The following SYT12 variants were observed in gnomAD, a reference collection of about 807,000 sequenced individuals.
SYT12 encodes synaptotagmin-12.
A neutral mutation model predicts 39.5 loss-of-function variants in SYT12; 27 were observed. The ratio of observed to expected loss-of-function variants is 0.68; its 90% CI spans 0.50 to 0.94. The LOEUF (loss-of-function observed/expected upper bound fraction) is 0.94, where lower values mean the gene tolerates loss of function less well. Among genes scored for constraint, SYT12 ranks in the 40% least tolerant of loss-of-function variants. SYT12 has a pLI of 0.00. For synonymous variants in SYT12, 233 were observed against 239.7 expected, an observed-to-expected ratio of 0.97 and a Z score of 0.26; for missense variants, 536 against 572.6, an observed-to-expected ratio of 0.94 and a Z score of 0.65.
intron 1 of SYT12, among the ~76,000 whole-genome samples, 172 bp downstream of exon 1, chr11:67,023,632 G>A (rs1950141400): frequency 6.6e-6 from 1 of 152,098 alleles, no homozygotes; most frequent in South Asian, 2.1e-4. Context: ...CACCGCGCAC[G>A]CTGGGCGCCC....
upstream of SYT12, among the ~76,000 whole-genome samples, chr11:67,021,246 TCTCTCATTTCAA>T (rs1210926897): frequency 6.6e-6 from 1 of 152,092 alleles, no homozygotes; most frequent in Non-Finnish European, 1.5e-5. Flanking sequence ...ATTGACAAGA[TCTCTCATTTCAA>T]GCTCACTCCC....
In SYT12 at chr11:67,049,129, A is replaced by G. The variant is rs1565346491; in HGVS notation, c.*372A>G. The G allele has an allele frequency of 1.1e-5, 2 of 188,500 alleles. No individual in the cohort carries two copies. The highest frequency in any genetic ancestry group is 2.2e-5 in the Non-Finnish European group (2 of 89,698). 11.7% of individuals were successfully genotyped at this position (188,500 alleles called of 1,614,324 possible). ...ACGAAGAAGACCCGGCCCTTAGGGC[A>G]TCAGGAAGACTAGCTCCCCTGCCCC... On this transcript the variant is annotated 3_prime_UTR_variant, in exon 8 of 8. Coordinates refer to ENST00000527043, the MANE Select transcript of SYT12 (RefSeq NM_177963.4).
At chr11:67,013,469 C>T (rs1464060923) in intron 3 of SYT12, among the ~76,000 whole-genome samples, 2 of 152,202 alleles carry the variant, frequency 1.3e-5, no homozygotes, top group Non-Finnish European at 2.9e-5. Flanking sequence ...CCTTTCTCGT[C>T]TTCAGCCAGG....
intron 6 of SYT12, 142 bp downstream of exon 6, chr11:67,044,855 T>A: frequency 1.6e-6 from 2 of 1,232,888 alleles, no homozygotes; most frequent in Non-Finnish European, 1.1e-6. Flanking sequence ...AGCCCAGAAG[T>A]CATGCAGATG....
chr11:67,011,233 C>G (rs1950011020), intron 3 of SYT12, among the ~76,000 whole-genome samples: 1 of 152,024 alleles, frequency 6.6e-6, no homozygotes, highest in Admixed American at 6.6e-5. Context: ...TGTATATTAA[C>G]TTTGACTTTC....
upstream of SYT12, among the ~76,000 whole-genome samples, chr11:67,018,936 C>T (rs893312502): frequency 2.0e-5 from 3 of 152,166 alleles, no homozygotes; most frequent in Admixed American, 6.5e-5. Context: ...GCCTGGAAAG[C>T]GGAGAACTGA....
In SYT12 at chr11:67,050,602, C is replaced by T. The variant is rs1854720756; in HGVS notation, c.*1845C>T. The T allele has an allele frequency of 6.6e-6, 1 of 152,584 alleles. No individual in the cohort carries two copies. The highest frequency in any genetic ancestry group is 1.5e-5 in the Non-Finnish European group (1 of 68,368). The allele number at this position is 152,584 out of a possible 1,614,324, so 9.5% of individuals were successfully genotyped here. ...CAGGGCCAGGAGACACATGGCTGGA[C>T]AAGGCTTTGCAGCCTGGGAGACCCC... On this transcript the variant is annotated 3_prime_UTR_variant, in exon 8 of 8. Coordinates refer to ENST00000527043, the MANE Select transcript of SYT12 (RefSeq NM_177963.4).
At chr11:67,017,305 T>A (rs1438040618) in intron 3 of SYT12, among the ~76,000 whole-genome samples, 1 of 151,924 alleles carries the variant, frequency 6.6e-6, no homozygotes, top group Non-Finnish European at 1.5e-5. Context: ...AAAGATCATT[T>A]GAGCCCGGGA....
rs369206460 is a variant in SYT12, at chr11:67,036,844, C to T, written c.228+2006C>T. 4.9e-4 allele frequency among the ~76,000 whole-genome samples: 74 copies of T among 152,278 alleles called. No individual in the cohort carries two copies. The East Asian group carries it at 8.9e-3, about 18-fold the overall frequency. ...ATCCCAGCACTTTGAGAGGCTAAGACTGGTGGATCACCTGAGGTCGTGAGT... is the reference window on the plus strand; with the variant it reads ...ATCCCAGCACTTTGAGAGGCTAAGATTGGTGGATCACCTGAGGTCGTGAGT... On this transcript the variant is annotated intron_variant, in intron 3 of 7. Coordinates refer to ENST00000527043, the MANE Select transcript of SYT12 (RefSeq NM_177963.4).
At chr11:67,013,121 G>C (rs1950025427) in intron 3 of SYT12, among the ~76,000 whole-genome samples, 1 of 152,222 alleles carries the variant, frequency 6.6e-6, no homozygotes, top group African/African-American at 2.4e-5. Context: ...TTGACACGCA[G>C]AGTGGGGAGG....
chr11:67,022,509 G>A (rs1950120658), upstream of SYT12, among the ~76,000 whole-genome samples: 1 of 152,242 alleles, frequency 6.6e-6, no homozygotes, highest in Non-Finnish European at 1.5e-5. Context: ...GTTCCCGGAA[G>A]ATGGAAGATC....
At chr11:67,019,189 A>C (rs1738751668), upstream of SYT12, among the ~76,000 whole-genome samples, 1 of 151,926 alleles carries the variant, frequency 6.6e-6, no homozygotes, top group African/African-American at 2.4e-5. Flanking sequence ...ATACCATCAG[A>C]TCGCTGGGCG....
At chr11:67,039,729 C>G in intron 3 of SYT12, 82 bp from the exon 4 acceptor site, 2 of 1,491,694 alleles carry the variant, frequency 1.3e-6, no homozygotes, top group East Asian at 2.3e-5. Context: ...AATGAACAGG[C>G]CTTACTCATC....
intron 3 of SYT12, among the ~76,000 whole-genome samples, chr11:67,014,043 A>G (rs745743435): frequency 2.2e-4 from 33 of 152,136 alleles, no homozygotes; most frequent in Non-Finnish European, 4.6e-4. Flanking sequence ...CTGTGCCTTC[A>G]TGGCTGAGAT....
In SYT12 at chr11:67,048,757, G is replaced by A. The variant is rs1409261859; in HGVS notation, c.1266G>A (p.Ter422=). 1 of 1,592,236 alleles carries A rather than the reference G, an allele frequency of 6.3e-7. No individual in the cohort carries two copies. The highest frequency in any genetic ancestry group is 8.6e-7 in the Non-Finnish European group (1 of 1,163,352). The change falls in exon 8 of 8, where the codon TAG becomes TAA. Residue 422 remains the stop codon, a stop_retained_variant. Transcript: ENST00000527043. Reference sequence around the variant, plus strand: ...TGTGGCACGCTGTCCGGCGAAACTAGCAACCAGGGCGGGCCAGTTGGGCAA... The same window carrying A: ...TGTGGCACGCTGTCCGGCGAAACTAACAACCAGGGCGGGCCAGTTGGGCAA... The part of the protein sequence containing the change: ...VSMWHAVRRN[*]
chr11:67,009,566 A>G (rs1440042268), intron 1 of SYT12, among the ~76,000 whole-genome samples: 1 of 152,212 alleles, frequency 6.6e-6, no homozygotes, highest in African/African-American at 2.4e-5. Context: ...TGCTGGGATT[A>G]TAAGCGGGAG....
intron 2 of SYT12, among the ~76,000 whole-genome samples, chr11:67,033,096 G>C (rs1287641309): frequency 6.6e-6 from 1 of 152,040 alleles, no homozygotes; most frequent in Non-Finnish European, 1.5e-5. Flanking sequence ...CTGTGTGGCC[G>C]GGCTTCAGGG....
At chr11:67,026,258 A>G (rs1037660653) in intron 1 of SYT12, among the ~76,000 whole-genome samples, 1 of 151,880 alleles carries the variant, frequency 6.6e-6, no homozygotes, top group African/African-American at 2.4e-5. Flanking sequence ...ATATCTTCTA[A>G]CTTTCTTTTT....
At chr11:67,042,531 A>G (rs559205582) in intron 4 of SYT12, among the ~76,000 whole-genome samples, 38 of 152,300 alleles carry the variant, frequency 2.5e-4, no homozygotes, top group African/African-American at 8.9e-4. Flanking sequence ...TGCCCAAGAC[A>G]ACGCCAGTAA....
Sources: allele counts gnomAD v4.1 joint callset (sites outside exome capture counted in the v4.1 genomes callset), GRCh38; gene constraint gnomAD v4.1.1; transcripts MANE v1.5; gene names NCBI Gene and HGNC (gene_info 2026-07-23, HGNC 2026-07-21).